ARB2A: variants seen among roughly 807,000 people sequenced by gnomAD.
ARB2A encodes cotranscriptional regulator ARB2A.
chr5:94,064,670 G>A, the ARB2A span, among the ~76,000 whole-genome samples: 11 of 152,296 alleles, frequency 7.2e-5, 1 homozygote, highest in East Asian at 7.7e-4. Flanking sequence ...GGGCCAAGAC[G>A]AAATGGGATA....
chr5:93,992,067 C>T, the ARB2A span, among the ~76,000 whole-genome samples: 1 of 151,984 alleles, frequency 6.6e-6, no homozygotes, highest in African/African-American at 2.4e-5. Context: ...ACATACAACT[C>T]CTCAACAGAA....
At chr5:93,990,620 T>TAA in the ARB2A span, among the ~76,000 whole-genome samples, 5,095 of 75,166 alleles carry the variant, frequency 0.068, 563 homozygotes, top group Admixed American at 0.15. Flanking sequence ...CTACCATGAG[T>TAA]AAAAAAAAAA....
the ARB2A span, among the ~76,000 whole-genome samples, chr5:93,763,518 C>T: frequency 8.5e-5 from 13 of 152,096 alleles, no homozygotes; most frequent in East Asian, 1.9e-4. Flanking sequence ...ATATATGCAC[C>T]GAATACAGGA....
the ARB2A span, among the ~76,000 whole-genome samples, chr5:94,012,131 A>G: frequency 0.19 from 28,769 of 152,066 alleles, 3,519 homozygotes; most frequent in Non-Finnish European, 0.26. Context: ...GGCCAGGCGC[A>G]GTGGCTCACG....
At chr5:94,031,223 T>C in the ARB2A span, among the ~76,000 whole-genome samples, 1 of 152,094 alleles carries the variant, frequency 6.6e-6, no homozygotes, top group African/African-American at 2.4e-5. Flanking sequence ...CTAAGGACAA[T>C]TCTGGTGAGC....
chr5:93,802,994 T>C, the ARB2A span, among the ~76,000 whole-genome samples: 105 of 152,218 alleles, frequency 6.9e-4, 1 homozygote, highest in Non-Finnish European at 1.2e-3. Context: ...TTTACATTCA[T>C]GCTAATTGTA....
chr5:93,667,786 T>C, the ARB2A span, among the ~76,000 whole-genome samples: 1 of 152,206 alleles, frequency 6.6e-6, no homozygotes, highest in African/African-American at 2.4e-5. Context: ...AAGCCACAAT[T>C]TAGCTAGTGA....
chr5:93,668,833 C>T, the ARB2A span, among the ~76,000 whole-genome samples: 2 of 151,988 alleles, frequency 1.3e-5, no homozygotes, highest in Middle Eastern at 3.2e-3. Flanking sequence ...ATCATCAGAC[C>T]ATGAAAGAGA....
chr5:93,977,819 G>A, the ARB2A span, among the ~76,000 whole-genome samples: 2 of 152,088 alleles, frequency 1.3e-5, no homozygotes, highest in Admixed American at 6.5e-5. Flanking sequence ...TGTCAAACGA[G>A]TTAACTGACA....
the ARB2A span, among the ~76,000 whole-genome samples, chr5:93,829,865 G>C: frequency 6.6e-6 from 1 of 152,168 alleles, no homozygotes; most frequent in Non-Finnish European, 1.5e-5. Context: ...GGAAGGGAAT[G>C]AAGTTGTGAC....
the ARB2A span, chr5:93,736,812 G>T: frequency 1.3e-5 from 2 of 152,138 alleles, no homozygotes. Context: ...TCCTCAACAT[G>T]TAGAGTACGT....
chr5:93,741,671 T>C, the ARB2A span: 4 of 1,331,370 alleles, frequency 3.0e-6, no homozygotes, highest in East Asian at 2.5e-5. Context: ...GGAGAAGGCG[T>C]TACAAGCCAA....
the ARB2A span, among the ~76,000 whole-genome samples, chr5:93,999,671 A>T: frequency 6.6e-6 from 1 of 151,968 alleles, no homozygotes; most frequent in Non-Finnish European, 1.5e-5. Context: ...CTACATTGAG[A>T]CATCATAATC....
the ARB2A span, among the ~76,000 whole-genome samples, chr5:93,924,962 T>C: frequency 6.6e-6 from 1 of 152,164 alleles, no homozygotes; most frequent in Non-Finnish European, 1.5e-5. Context: ...TTGGATACTG[T>C]CAAATGTAAA....
chr5:93,687,452 A>G, the ARB2A span, among the ~76,000 whole-genome samples: 1 of 152,202 alleles, frequency 6.6e-6, no homozygotes, highest in Non-Finnish European at 1.5e-5. Context: ...TATTAGCCAA[A>G]AAAGGAAGAA....
the ARB2A span, among the ~76,000 whole-genome samples, chr5:93,902,484 T>C: frequency 3.3e-5 from 5 of 152,146 alleles, no homozygotes; most frequent in Admixed American, 3.3e-4. Context: ...CAAAGAACGT[T>C]TCCATGGTTA....
At chr5:93,625,121 T>C in the ARB2A span, among the ~76,000 whole-genome samples, 1 of 152,188 alleles carries the variant, frequency 6.6e-6, no homozygotes, top group East Asian at 1.9e-4. Context: ...ATTCCATGCA[T>C]AGGACCAAGT....
chr5:93,859,979 AG>A, the ARB2A span, among the ~76,000 whole-genome samples: 1 of 152,210 alleles, frequency 6.6e-6, no homozygotes, highest in Non-Finnish European at 1.5e-5. Flanking sequence ...GAAGCCCAGG[AG>A]GCATGCCTAA....
chr5:93,748,295 G>A, the ARB2A span, among the ~76,000 whole-genome samples: 1 of 152,022 alleles, frequency 6.6e-6, no homozygotes, highest in Non-Finnish European at 1.5e-5. Flanking sequence ...AAAAGGAAAA[G>A]GTTAGCATGA....
Sources: allele counts gnomAD v4.1 joint callset (sites outside exome capture counted in the v4.1 genomes callset), GRCh38; gene constraint gnomAD v4.1.1; transcripts MANE v1.5; gene names NCBI Gene and HGNC (gene_info 2026-07-23, HGNC 2026-07-21).